IPMK: variants seen among roughly 807,000 people sequenced by gnomAD.
The protein encoded by IPMK is inositol 1,3,4,6-tetrakisphosphate 5-kinase.
Under a neutral mutation model 45.8 loss-of-function variants are expected in IPMK, and 17 were observed. That is an observed-to-expected ratio of 0.37 (90% CI 0.25 to 0.56). IPMK has a LOEUF of 0.56. Ranked by LOEUF, IPMK falls within the 20% of genes least tolerant of loss-of-function variation. The pLI, the probability that IPMK is intolerant of heterozygous loss-of-function variation, is 0.79. For synonymous variants in IPMK, 180 were observed against 184.3 expected, an observed-to-expected ratio of 0.98 and a Z score of 0.19; for missense variants, 399 against 498.0, an observed-to-expected ratio of 0.80 and a Z score of 1.89.
chr10:58,246,064 G>A (rs1293586311), intron 1 of IPMK, among the ~76,000 whole-genome samples: 1 of 130,740 alleles, frequency 7.6e-6, no homozygotes, highest in Non-Finnish European at 1.5e-5. Flanking sequence ...TTGCTTCAAA[G>A]AGAATAAAAT....
chr10:58,259,460 TAATG>T (rs138646652), intron 1 of IPMK, among the ~76,000 whole-genome samples: 50,340 of 149,566 alleles, frequency 0.34, 10,444 homozygotes, highest in African/African-American at 0.6. Flanking sequence ...TCCACCTTAA[TAATG>T]AATGAATGAA....
At chr10:58,264,252 TAAAAC>T (rs1839116134) in intron 1 of IPMK, among the ~76,000 whole-genome samples, 1 of 152,184 alleles carries the variant, frequency 6.6e-6, no homozygotes, top group Non-Finnish European at 1.5e-5. Flanking sequence ...TGAGAGATAA[TAAAAC>T]AAATTTTGCA....
At chr10:58,213,343 G>A (rs2132150905) in intron 4 of IPMK, among the ~76,000 whole-genome samples, 1 of 152,274 alleles carries the variant, frequency 6.6e-6, no homozygotes, top group Middle Eastern at 3.4e-3. Context: ...AAATAGAAAA[G>A]GAAGGCAGAT....
At position 58,214,441 on chromosome 10, in the gene IPMK, C is replaced by T. The variant is rs1838214970; in HGVS notation, c.546+1704G>A. 3.3e-5 allele frequency among the ~76,000 whole-genome samples: 5 copies of T among 152,176 alleles called. No homozygotes were observed. In the South Asian group the frequency reaches 1.0e-3, roughly 32 times the overall value. On this transcript the variant is annotated intron_variant, in intron 4 of 5. Transcript: ENST00000373935. ...GTGAGAGATCTGAAAACAGTGGAGGCTTAAATAGTTGCCCAGTCAGATTCC... is the reference window on the plus strand; with the variant it reads ...GTGAGAGATCTGAAAACAGTGGAGGTTTAAATAGTTGCCCAGTCAGATTCC...
In IPMK at chr10:58,238,102, A is replaced by C. The variant is rs534315048; in HGVS notation, c.191-288T>G. ...AAAACATATGTGTCAATTTATATAG[A>C]AAGTCCTCAGTAATAGGCTTTCTGT... is the stretch of plus-strand genomic sequence containing the variant. On this transcript the variant is annotated intron_variant, in intron 1 of 5. Coordinates refer to ENST00000373935, the MANE Select transcript of IPMK (RefSeq NM_152230.5). Among the ~76,000 whole-genome samples, 8 of 152,328 alleles carry C rather than the reference A, an allele frequency of 5.3e-5. No individual in the cohort carries two copies. In the South Asian group the frequency reaches 1.7e-3, roughly 32 times the overall value.
chr10:58,265,031 C>G (rs773882639), intron 1 of IPMK, among the ~76,000 whole-genome samples: 1 of 152,094 alleles, frequency 6.6e-6, no homozygotes, highest in Non-Finnish European at 1.5e-5. Flanking sequence ...ACAATTTTTA[C>G]AGTTTAAAAA....
intron 3 of IPMK, among the ~76,000 whole-genome samples, chr10:58,218,251 C>T (rs1251434636): frequency 6.6e-6 from 1 of 152,158 alleles, no homozygotes; most frequent in Non-Finnish European, 1.5e-5. Context: ...AACAAAAGAT[C>T]TTGACAGAGA....
rs771888756 is a variant in IPMK, at chr10:58,192,779, C to T, written c.*3297G>A. ...CCAAAGCATTAACAGATAATTGTTA[C>T]CTCTTTAAATAATCAGATTGACAAT... On this transcript the variant is annotated 3_prime_UTR_variant, in exon 6 of 6. Coordinates refer to ENST00000373935, the MANE Select transcript of IPMK (RefSeq NM_152230.5). 1 of 151,930 alleles carries T rather than the reference C, an allele frequency of 6.6e-6. No homozygotes were observed. The highest frequency in any genetic ancestry group is 1.5e-5 in the Non-Finnish European group (1 of 67,882). The allele number at this position is 151,930 out of a possible 1,614,324, so 9.4% of individuals were successfully genotyped here. A position where few individuals can be genotyped will look rare whatever the true frequency, so the allele number is the denominator to read the frequency against.
At chr10:58,246,804 G>C (rs1588969314) in intron 1 of IPMK, among the ~76,000 whole-genome samples, 1 of 152,122 alleles carries the variant, frequency 6.6e-6, no homozygotes, top group East Asian at 1.9e-4. Flanking sequence ...ATTGACAAAT[G>C]GGATCTAATT....
chr10:58,218,542 T>C (rs1838283010), intron 3 of IPMK, among the ~76,000 whole-genome samples: 1 of 152,180 alleles, frequency 6.6e-6, no homozygotes, highest in Non-Finnish European at 1.5e-5. Flanking sequence ...TAGTAATACA[T>C]AGTACAGTAG....
At chr10:58,248,382 C>T (rs552174604) in intron 1 of IPMK, among the ~76,000 whole-genome samples, 9 of 152,110 alleles carry the variant, frequency 5.9e-5, no homozygotes, top group South Asian at 4.2e-4. Context: ...AATAAATGCA[C>T]GCTAAAATTT....
intron 3 of IPMK, among the ~76,000 whole-genome samples, chr10:58,226,056 T>G (rs1838410638): frequency 6.6e-6 from 1 of 152,114 alleles, no homozygotes. Flanking sequence ...TTGGCTCACT[T>G]TCTTTTTTTC....
chr10:58,262,075 A>C (rs1839078890), intron 1 of IPMK, among the ~76,000 whole-genome samples: 1 of 151,934 alleles, frequency 6.6e-6, no homozygotes. Flanking sequence ...AGGGAACATC[A>C]CACACCGGGG....
chr10:58,265,251 C>G (rs1034625865), intron 1 of IPMK, among the ~76,000 whole-genome samples: 3 of 152,134 alleles, frequency 2.0e-5, no homozygotes, highest in African/African-American at 4.8e-5. Flanking sequence ...CCAACAACTC[C>G]TTTTTGGAAA....
chr10:58,254,524 A>C (rs1265871336), intron 1 of IPMK, among the ~76,000 whole-genome samples: 1 of 152,178 alleles, frequency 6.6e-6, no homozygotes, highest in African/African-American at 2.4e-5. Flanking sequence ...ATCTTTCAAA[A>C]ATCTTGTAGA....
chr10:58,238,258 T>C (rs1838644434), intron 1 of IPMK, among the ~76,000 whole-genome samples: 1 of 152,250 alleles, frequency 6.6e-6, no homozygotes, highest in Admixed American at 6.5e-5. Flanking sequence ...TAATTTTTTA[T>C]AAGTCTCTCT....
chr10:58,257,471 G>T (rs1450621887), intron 1 of IPMK, among the ~76,000 whole-genome samples: 1 of 151,798 alleles, frequency 6.6e-6, no homozygotes, highest in African/African-American at 2.4e-5. Context: ...CTCCAGCCTG[G>T]GCAACGGAGC....
At chr10:58,239,911 A>G (rs1490746984) in intron 1 of IPMK, among the ~76,000 whole-genome samples, 1 of 152,210 alleles carries the variant, frequency 6.6e-6, no homozygotes, top group African/African-American at 2.4e-5. Context: ...TAAACACAGG[A>G]AAGGGCATGT....
In IPMK at chr10:58,197,326, A is replaced by C. The variant is rs142599858; in HGVS notation, c.629-628T>G. 2.0e-3 allele frequency among the ~76,000 whole-genome samples: 297 copies of C among 146,504 alleles called. 1 individual carries two copies. The highest frequency in any genetic ancestry group is 3.5e-3 in the Non-Finnish European group (236 of 67,284). On this transcript the variant is annotated intron_variant, in intron 5 of 5. Coordinates refer to ENST00000373935, the MANE Select transcript of IPMK (RefSeq NM_152230.5). ...AAATAAATAAATAAATAAATAAATA[A>C]ATACATAAATACATAAACACATAAA...
Sources: allele counts gnomAD v4.1 joint callset (sites outside exome capture counted in the v4.1 genomes callset), GRCh38; gene constraint gnomAD v4.1.1; transcripts MANE v1.5; gene names NCBI Gene and HGNC (gene_info 2026-07-23, HGNC 2026-07-21).